The following MAML3 variants were observed in gnomAD, a reference collection of about 807,000 sequenced individuals.
MAML3 encodes mastermind like transcriptional coactivator 3.
In MAML3, 27 loss-of-function variants were observed where a neutral mutation model predicts 101.9. The observed-to-expected ratio is 0.27, with a 90% CI of 0.20 to 0.37. The LOEUF is 0.37. Ranked by LOEUF, MAML3 falls within the 10% of genes least tolerant of loss-of-function variation. The pLI, the probability that MAML3 is intolerant of heterozygous loss-of-function variation, is 1.00. For missense variants in MAML3, 1,316 were observed against 1,444.9 expected (o/e 0.91, Z 1.45); for synonymous variants, 501 against 555.9 (o/e 0.90, Z 1.39).
At chr4:139,929,094 C>T (rs920644645) in intron 1 of MAML3, among the ~76,000 whole-genome samples, 2 of 152,116 alleles carry the variant, frequency 1.3e-5, no homozygotes, top group African/African-American at 4.8e-5. Context: ...AGGAGATAAG[C>T]AAGACGGTGG....
intron 2 of MAML3, among the ~76,000 whole-genome samples, chr4:139,851,828 T>C (rs567762607): frequency 6.6e-6 from 1 of 152,032 alleles, no homozygotes; most frequent in East Asian, 1.9e-4. Context: ...GTTGGAGGAG[T>C]GTGAAGGGAT....
At chr4:140,046,023 A>C (rs1023370731) in intron 1 of MAML3, among the ~76,000 whole-genome samples, 8 of 152,226 alleles carry the variant, frequency 5.3e-5, no homozygotes, top group African/African-American at 1.7e-4. Flanking sequence ...ATGAAATATA[A>C]ATGCCCTCTA....
intron 1 of MAML3, among the ~76,000 whole-genome samples, chr4:139,927,138 G>A (rs948928329): frequency 7.0e-6 from 1 of 142,304 alleles, no homozygotes; most frequent in Non-Finnish European, 1.5e-5. Context: ...CACCCAGGTT[G>A]GTCTCGAACT....
At chr4:140,092,440 A>G (rs992663751) in intron 1 of MAML3, among the ~76,000 whole-genome samples, 2 of 152,120 alleles carry the variant, frequency 1.3e-5, no homozygotes, top group African/African-American at 4.8e-5. Context: ...CGGGTGAGGC[A>G]TGTTAACCGA....
intron 2 of MAML3, among the ~76,000 whole-genome samples, chr4:139,759,068 A>G (rs1418161977): frequency 2.0e-5 from 3 of 152,222 alleles, no homozygotes; most frequent in Non-Finnish European, 4.4e-5. Context: ...ACAGATGTCC[A>G]ACAAATCACA....
chr4:139,780,777 C>T (rs760218070), intron 2 of MAML3, among the ~76,000 whole-genome samples: 31 of 151,990 alleles, frequency 2.0e-4, no homozygotes, highest in Non-Finnish European at 3.4e-4. Flanking sequence ...ATTACAAGTG[C>T]GCGCCACCAT....
intron 1 of MAML3, among the ~76,000 whole-genome samples, chr4:140,013,019 T>G (rs1560866541): frequency 6.6e-6 from 1 of 152,176 alleles, no homozygotes; most frequent in Non-Finnish European, 1.5e-5. Context: ...CAATTATGAG[T>G]GCTTTTTAAA....
At chr4:139,957,282 T>C (rs1733931945) in intron 1 of MAML3, among the ~76,000 whole-genome samples, 1 of 152,196 alleles carries the variant, frequency 6.6e-6, no homozygotes, top group Non-Finnish European at 1.5e-5. Flanking sequence ...ATTTTACAGG[T>C]GACGAAGCAG....
intron 1 of MAML3, among the ~76,000 whole-genome samples, chr4:139,987,295 A>G (rs987836299): frequency 6.6e-6 from 1 of 152,216 alleles, no homozygotes. Flanking sequence ...TTTTGAAAGC[A>G]AACAGCCTCA....
intron 2 of MAML3, among the ~76,000 whole-genome samples, chr4:139,811,823 C>T (rs958742968): frequency 6.6e-6 from 1 of 152,038 alleles, no homozygotes; most frequent in Non-Finnish European, 1.5e-5. Flanking sequence ...AGAGAGGAGA[C>T]AAAAACATAT....
At chr4:139,953,301 C>G (rs1280684038) in intron 1 of MAML3, among the ~76,000 whole-genome samples, 1 of 152,112 alleles carries the variant, frequency 6.6e-6, no homozygotes, top group Admixed American at 6.5e-5. Flanking sequence ...GAATTTGTAT[C>G]GTAGGCATAT....
At chr4:140,083,169 C>T (rs1003679924) in intron 1 of MAML3, among the ~76,000 whole-genome samples, 1 of 152,112 alleles carries the variant, frequency 6.6e-6, no homozygotes, top group Non-Finnish European at 1.5e-5. Context: ...AGTAAAGAAC[C>T]GCAAATAAAG....
chr4:139,719,325 A>T lies in MAML3; in HGVS notation c.3415T>A (p.Ter1139LysextTer15). Reference sequence around the variant, plus strand: ...GTGGATCTTGGGGCCTCTCTTGATTAGGGGTTACCAAACAATTCATCAAGC... The same window carrying T: ...GTGGATCTTGGGGCCTCTCTTGATTTGGGGTTACCAAACAATTCATCAAGC... ...QELDELFGNP[*>K] Residue 1139 changes from the stop codon to lysine (K), a stop_lost, in exon 5 of 5, where the codon TAA (stop) becomes AAA (lysine). Transcript: ENST00000509479. 1 of 1,578,572 alleles carries T rather than the reference A, an allele frequency of 6.3e-7. No individual in the cohort carries two copies.
chr4:140,075,360 G>GA (rs143182949), intron 1 of MAML3, among the ~76,000 whole-genome samples: 1 of 151,958 alleles, frequency 6.6e-6, no homozygotes, highest in East Asian at 1.9e-4. Context: ...TAGATGTGTA[G>GA]AAAAAAACAA....
intron 2 of MAML3, among the ~76,000 whole-genome samples, chr4:139,790,128 G>C (rs1368280812): frequency 1.3e-5 from 2 of 150,782 alleles, no homozygotes; most frequent in African/African-American, 4.9e-5. Flanking sequence ...CTCTGGGGCA[G>C]ACGGCTTGGG....
At chr4:140,114,329 A>C (rs1417339018) in intron 1 of MAML3, among the ~76,000 whole-genome samples, 1 of 152,226 alleles carries the variant, frequency 6.6e-6, no homozygotes, top group African/African-American at 2.4e-5. Context: ...AATTTCCTGC[A>C]ATCTCAACAG....
rs1282147720 is a variant in MAML3 at position 139,933,378 on chromosome 4, T to TA, written c.469-42412dup. 2.6e-5 allele frequency among the ~76,000 whole-genome samples: 4 copies of TA among 152,268 alleles called. No individual in the cohort carries two copies. The East Asian group carries it at 7.7e-4, about 29-fold the overall frequency. On this transcript the variant is annotated intron_variant, in intron 1 of 4. Coordinates refer to ENST00000509479, the MANE Select transcript of MAML3 (RefSeq NM_018717.5). Reference sequence around the variant, plus strand: ...TGGGGCGCTGTTGTTCCTTACTCTGTAACTTGCTGTCAAGAGACGAAAACA... The same window carrying TA: ...TGGGGCGCTGTTGTTCCTTACTCTGTAAACTTGCTGTCAAGAGACGAAAACA...
At position 139,901,586 on chromosome 4, in the gene MAML3, G is replaced by A. The variant is rs868463502; in HGVS notation, c.469-10619C>T. 5.9e-5 allele frequency among the ~76,000 whole-genome samples: 9 copies of A among 152,284 alleles called. No homozygotes were observed. The South Asian group carries it at 1.9e-3, about 32-fold the overall frequency. On this transcript the variant is annotated intron_variant, in intron 1 of 4. Coordinates refer to ENST00000509479, the MANE Select transcript of MAML3 (RefSeq NM_018717.5). ...TATTTAGAGCTGTAAAGAAATGCCG[G>A]TAAAGGAGGTTGGTGAGGAAGAAGG...
At chr4:140,151,117 G>A (rs952017320) in intron 1 of MAML3, among the ~76,000 whole-genome samples, 1 of 152,028 alleles carries the variant, frequency 6.6e-6, no homozygotes, top group African/African-American at 2.4e-5. Flanking sequence ...GCCGCGAGGC[G>A]GACAAAGCGC....
Sources: gnomAD v4.1 joint callset for allele counts (sites outside exome capture counted in the v4.1 genomes callset) on GRCh38, gnomAD v4.1.1 for gene constraint, MANE v1.5 for transcripts, NCBI Gene and HGNC (gene_info 2026-07-23, HGNC 2026-07-21) for gene names.